The following ATG5 variants were observed in gnomAD, a reference collection of about 807,000 sequenced individuals.
The protein encoded by ATG5 is autophagy protein 5.
In ATG5, 14 loss-of-function variants were observed where a neutral mutation model predicts 36.5. The ratio of observed to expected loss-of-function variants is 0.38; its 90% CI spans 0.25 to 0.60. The LOEUF is 0.60. Ranked by LOEUF, ATG5 falls within the 20% of genes least tolerant of loss-of-function variation. The pLI is 0.60. For synonymous variants in ATG5, 95 were observed against 101.5 expected, an observed-to-expected ratio of 0.94 and a Z score of 0.38; for missense variants, 195 against 326.7, an observed-to-expected ratio of 0.60 and a Z score of 3.11.
intron 7 of ATG5, 126 bp from the exon 8 acceptor site, chr6:106,186,802 A>G (rs1239979119): frequency 1.3e-5 from 14 of 1,089,808 alleles, no homozygotes; most frequent in Non-Finnish European, 1.8e-5. Context: ...CCTGAACAGG[A>G]AATGTGGACA....
chr6:106,227,677 CTG>C (rs915906955), intron 6 of ATG5, among the ~76,000 whole-genome samples: 1 of 152,184 alleles, frequency 6.6e-6, no homozygotes, highest in African/African-American at 2.4e-5. Context: ...GTGCTTAAGA[CTG>C]TAGATCAATA....
At chr6:106,322,777 CCA>C (rs762278628) in intron 1 of ATG5, among the ~76,000 whole-genome samples, 1 of 152,198 alleles carries the variant, frequency 6.6e-6, no homozygotes, top group Non-Finnish European at 1.5e-5. Context: ...ATTTACACTC[CCA>C]CAGTTTTATC....
At chr6:106,263,710 G>A (rs188068437) in intron 5 of ATG5, among the ~76,000 whole-genome samples, 21 of 152,222 alleles carry the variant, frequency 1.4e-4, no homozygotes, top group African/African-American at 2.4e-4. Context: ...ATACCCAGGC[G>A]AACAGGGTCT....
chr6:106,202,795 G>A (rs1164914881), intron 6 of ATG5, among the ~76,000 whole-genome samples: 4 of 152,126 alleles, frequency 2.6e-5, no homozygotes, highest in Non-Finnish European at 5.9e-5. Context: ...CCAAGTAGCT[G>A]GGACTACAGG....
intron 5 of ATG5, among the ~76,000 whole-genome samples, chr6:106,270,615 T>C (rs1439011560): frequency 1.3e-5 from 2 of 152,330 alleles, no homozygotes; most frequent in Non-Finnish European, 1.5e-5. Context: ...GCTGCAGCAT[T>C]AGATTCTAGT....
chr6:106,195,330 C>T (rs905464283), intron 7 of ATG5, among the ~76,000 whole-genome samples: 4 of 152,118 alleles, frequency 2.6e-5, no homozygotes, highest in Admixed American at 6.5e-5. Context: ...CATACACACC[C>T]AATCTTAAAG....
chr6:106,290,201 TTATTTTATTTTATTTATTTTATA>T (rs1297346709), intron 4 of ATG5, among the ~76,000 whole-genome samples: 2 of 148,694 alleles, frequency 1.3e-5, no homozygotes, highest in Non-Finnish European at 3.0e-5. Flanking sequence ...TTATTTTATT[TTATTTTATTTTATTTATTTTATA>T]TATTTTATTT....
At chr6:106,298,605 T>C (rs1030942252) in intron 3 of ATG5, among the ~76,000 whole-genome samples, 6 of 152,058 alleles carry the variant, frequency 3.9e-5, no homozygotes, top group Non-Finnish European at 8.8e-5. Context: ...ATTATAAAAA[T>C]GAATAATCAT....
At chr6:106,216,242 C>A (rs1342799407) in intron 6 of ATG5, among the ~76,000 whole-genome samples, 3 of 152,100 alleles carry the variant, frequency 2.0e-5, no homozygotes, top group Admixed American at 2.0e-4. Flanking sequence ...CAATTCTACT[C>A]CTAAGTATCT....
intron 5 of ATG5, 62 bp downstream of exon 5, chr6:106,279,599 G>A (rs1219309625): frequency 1.5e-6 from 2 of 1,293,902 alleles, no homozygotes. Context: ...ACTACTCACA[G>A]GGTTATGGCT....
chr6:106,320,799 C>T (rs1362999851), intron 1 of ATG5, among the ~76,000 whole-genome samples: 1 of 152,170 alleles, frequency 6.6e-6, no homozygotes. Flanking sequence ...TCTCATCCAC[C>T]AGTCCTATAG....
intron 3 of ATG5, among the ~76,000 whole-genome samples, chr6:106,296,238 C>A (rs1441221783): frequency 6.6e-6 from 1 of 151,896 alleles, no homozygotes; most frequent in Non-Finnish European, 1.5e-5. Context: ...ATAAAACTTA[C>A]TCCATGTAGT....
chr6:106,232,006 G>A (rs1371399202), intron 6 of ATG5, among the ~76,000 whole-genome samples: 5 of 152,132 alleles, frequency 3.3e-5, no homozygotes, highest in Admixed American at 1.3e-4. Context: ...CCGCCCCCTC[G>A]TCCATGCACC....
chr6:106,212,463 A>G (rs890406642), intron 6 of ATG5, among the ~76,000 whole-genome samples: 2 of 152,208 alleles, frequency 1.3e-5, no homozygotes, highest in African/African-American at 2.4e-5. Context: ...CAATATGGTG[A>G]ACCCGTCTCT....
In ATG5 at chr6:106,202,095, TG is replaced by T. The variant is rs774715569; in HGVS notation, c.574-7del. On this transcript the variant is annotated splice_region_variant and splice_polypyrimidine_tract_variant and intron_variant, in intron 6 of 7. Coordinates refer to ENST00000369076, the MANE Select transcript of ATG5 (RefSeq NM_004849.4). ...AAAGGTCTTTCAGTCGTTGTCTATTTGAAAAAGGAAAAAATGATTCAAGCAA... is the reference window on the plus strand; with the variant it reads ...AAAGGTCTTTCAGTCGTTGTCTATTTAAAAAGGAAAAAATGATTCAAGCAA... 6.2e-7 allele frequency: 1 copy of T among 1,608,250 alleles called. No individual in the cohort carries two copies.
chr6:106,233,215 G>A (rs1028940255), intron 6 of ATG5, among the ~76,000 whole-genome samples: 1 of 152,148 alleles, frequency 6.6e-6, no homozygotes, highest in Non-Finnish European at 1.5e-5. Context: ...AGGCACCAGG[G>A]CCCTCAGTGC....
In ATG5 at chr6:106,292,376, G is replaced by A. The variant is rs554018864; in HGVS notation, c.315+652C>T. Among the ~76,000 whole-genome samples, 6 of 152,236 alleles carry A rather than the reference G, an allele frequency of 3.9e-5. No individual in the cohort carries two copies. In the East Asian group the frequency reaches 5.8e-4, roughly 15 times the overall value. ...GAAGCAAGGTGGCTAAGGGAATGAG[G>A]GACCAGCACTTCATAAAATAATGAG... On this transcript the variant is annotated intron_variant, in intron 4 of 7. Transcript: ENST00000369076.
chr6:106,274,481 T>C (rs1263800949), intron 5 of ATG5, among the ~76,000 whole-genome samples: 1 of 152,202 alleles, frequency 6.6e-6, no homozygotes, highest in Non-Finnish European at 1.5e-5. Flanking sequence ...AACTGTTGTT[T>C]AGCTGTTATA....
At chr6:106,204,124 G>A (rs1263382571) in intron 6 of ATG5, among the ~76,000 whole-genome samples, 1 of 152,108 alleles carries the variant, frequency 6.6e-6, no homozygotes, top group South Asian at 2.1e-4. Context: ...AATACCTAAC[G>A]TAGATGAGGG....
Sources: gnomAD v4.1 joint callset for allele counts (sites outside exome capture counted in the v4.1 genomes callset) on GRCh38, gnomAD v4.1.1 for gene constraint, MANE v1.5 for transcripts, NCBI Gene and HGNC (gene_info 2026-07-23, HGNC 2026-07-21) for gene names.